C8orf34: variants seen among roughly 807,000 people sequenced by gnomAD.
The protein encoded by C8orf34 is chromosome 8 open reading frame 34, also known as uncharacterized protein C8orf34.
A neutral mutation model predicts 68.3 loss-of-function variants in C8orf34; 65 were observed. The ratio of observed to expected loss-of-function variants is 0.95; its 90% CI spans 0.78 to 1.17. C8orf34 has a LOEUF of 1.17. C8orf34 is among the 50% of genes most tolerant of loss of function. The probability of loss-of-function intolerance (pLI) is 0.00; values close to 1 mark genes in which losing one functional copy is unlikely to be tolerated. For missense variants in C8orf34, 664 were observed against 655.4 expected (o/e 1.01, Z -0.14); for synonymous variants, 244 against 241.2 (o/e 1.01, Z -0.11).
chr8:68,558,577 AAG>A (rs917361128), intron 7 of C8orf34, among the ~76,000 whole-genome samples: 2 of 152,020 alleles, frequency 1.3e-5, no homozygotes. Context: ...AAAAGGATGA[AAG>A]AGAGAAAGAG....
intron 1 of C8orf34, among the ~76,000 whole-genome samples, chr8:68,428,158 A>G (rs929289574): frequency 2.6e-5 from 4 of 151,860 alleles, no homozygotes; most frequent in African/African-American, 9.7e-5. Context: ...CAAGCTTAAA[A>G]AGCAAATAAA....
At chr8:68,523,584 G>T (rs552408609) in intron 6 of C8orf34, among the ~76,000 whole-genome samples, 2 of 152,088 alleles carry the variant, frequency 1.3e-5, no homozygotes, top group Non-Finnish European at 1.5e-5. Flanking sequence ...GTGAAATTCT[G>T]CCCAGGTGCC....
chr8:68,387,975 C>G (rs775784602), intron 1 of C8orf34, among the ~76,000 whole-genome samples: 4 of 152,128 alleles, frequency 2.6e-5, no homozygotes, highest in Non-Finnish European at 4.4e-5. Flanking sequence ...GCTTAGGGAG[C>G]TACTTACTGA....
intron 10 of C8orf34, among the ~76,000 whole-genome samples, chr8:68,755,904 C>CAAA (rs11295724): frequency 7.0e-6 from 1 of 142,176 alleles, no homozygotes; most frequent in African/African-American, 2.5e-5. Flanking sequence ...ACTAAAAATA[C>CAAA]AAAAAAAAAA....
chr8:68,513,347 G>A (rs1178890100), intron 5 of C8orf34, among the ~76,000 whole-genome samples: 1 of 152,152 alleles, frequency 6.6e-6, no homozygotes, highest in Non-Finnish European at 1.5e-5. Flanking sequence ...GTTGCTGGGT[G>A]GGATCCTTGA....
chr8:68,687,444 C>G (rs1410553496), intron 8 of C8orf34, among the ~76,000 whole-genome samples: 1 of 151,724 alleles, frequency 6.6e-6, no homozygotes, highest in Non-Finnish European at 1.5e-5. Context: ...AATAGAGAAC[C>G]CAGAAATAAA....
intron 8 of C8orf34, among the ~76,000 whole-genome samples, chr8:68,689,135 A>T (rs2130900908): frequency 6.6e-6 from 1 of 152,208 alleles, no homozygotes; most frequent in African/African-American, 2.4e-5. Flanking sequence ...AAGTGAAATA[A>T]CTCAGGAATG....
At chr8:68,788,303 G>C (rs1823900009) in intron 12 of C8orf34, among the ~76,000 whole-genome samples, 1 of 152,170 alleles carries the variant, frequency 6.6e-6, no homozygotes, top group Non-Finnish European at 1.5e-5. Context: ...TACATAGGTA[G>C]CATTATAATC....
intron 1 of C8orf34, among the ~76,000 whole-genome samples, chr8:68,416,038 T>A (rs1809651325): frequency 6.6e-6 from 1 of 152,154 alleles, no homozygotes; most frequent in Non-Finnish European, 1.5e-5. Context: ...ATGAAAAAAA[T>A]GTATTGAAAG....
chr8:68,748,955 T>G (rs368872030), intron 10 of C8orf34, among the ~76,000 whole-genome samples: 3 of 152,020 alleles, frequency 2.0e-5, no homozygotes, highest in Non-Finnish European at 4.4e-5. Context: ...TATTGCGGCA[T>G]TATTCACAAT....
At chr8:68,751,469 G>A (rs1004253248) in intron 10 of C8orf34, among the ~76,000 whole-genome samples, 1 of 152,146 alleles carries the variant, frequency 6.6e-6, no homozygotes. Context: ...TGAAAAGACT[G>A]CAAAGGCTAA....
At chr8:68,355,984 T>C (rs1806729217) in intron 1 of C8orf34, among the ~76,000 whole-genome samples, 1 of 152,200 alleles carries the variant, frequency 6.6e-6, no homozygotes, top group African/African-American at 2.4e-5. Context: ...ATGTATTCCT[T>C]TGATTACAGT....
At position 68,744,139 on chromosome 8, in the gene C8orf34, G is replaced by A. The variant is rs562594671; in HGVS notation, c.1404+22702G>A. On this transcript the variant is annotated intron_variant, in intron 10 of 13. Transcript: ENST00000518698. ...GCAGGGGCAGACTGACACCTCACAC[G>A]GCTGGGTACTCCAACAGACCTTCAG... Among the ~76,000 whole-genome samples, 151 of 152,228 alleles carry A rather than the reference G, an allele frequency of 9.9e-4. 1 individual carries two copies. The highest frequency in any genetic ancestry group is 3.2e-3 in the African/African-American group (132 of 41,556).
At chr8:68,613,082 T>A (rs568219269) in intron 7 of C8orf34, among the ~76,000 whole-genome samples, 19 of 152,262 alleles carry the variant, frequency 1.2e-4, no homozygotes, top group African/African-American at 4.6e-4. Flanking sequence ...ACATTGAGAA[T>A]ATGTATTTTT....
At chr8:68,344,306 A>G (rs188057866) in intron 1 of C8orf34, among the ~76,000 whole-genome samples, 32 of 152,338 alleles carry the variant, frequency 2.1e-4, no homozygotes, top group Admixed American at 1.8e-3. Context: ...AAAAAAGCCA[A>G]ATGAAAAGTT....
At chr8:68,815,765 G>A (rs1824792243) in intron 12 of C8orf34, 121 bp from the exon 13 acceptor site, 2 of 1,519,146 alleles carry the variant, frequency 1.3e-6, no homozygotes, top group Non-Finnish European at 1.8e-6. Context: ...TACTATAAAT[G>A]TAGTTTTAAT....
chr8:68,786,084 T>C (rs1047822721), intron 11 of C8orf34, among the ~76,000 whole-genome samples: 4 of 152,186 alleles, frequency 2.6e-5, no homozygotes, highest in African/African-American at 9.7e-5. Flanking sequence ...GCACAATATC[T>C]CATATTGGAG....
intron 12 of C8orf34, among the ~76,000 whole-genome samples, chr8:68,813,342 T>G (rs1178248189): frequency 6.6e-6 from 1 of 152,100 alleles, no homozygotes; most frequent in Non-Finnish European, 1.5e-5. Flanking sequence ...CAAAGGTTAT[T>G]TCAGAAACTT....
At chr8:68,688,410 T>C (rs34988503) in intron 8 of C8orf34, among the ~76,000 whole-genome samples, 30,275 of 151,980 alleles carry the variant, frequency 0.2, 3,472 homozygotes, top group East Asian at 0.56. Flanking sequence ...GAAGACAGTA[T>C]GGCAATTCCT....
Sources: allele counts gnomAD v4.1 joint callset (sites outside exome capture counted in the v4.1 genomes callset), GRCh38; gene constraint gnomAD v4.1.1; transcripts MANE v1.5; gene names NCBI Gene and HGNC (gene_info 2026-07-23, HGNC 2026-07-21).